The following DENND4C variants were observed in gnomAD, a reference collection of about 807,000 sequenced individuals.
DENND4C encodes DENN domain containing 4C.
In DENND4C, 108 loss-of-function variants were observed where a neutral mutation model predicts 203.0. The observed-to-expected ratio is 0.53, with a 90% CI of 0.46 to 0.62. The LOEUF (loss-of-function observed/expected upper bound fraction) is 0.62, where lower values mean the gene tolerates loss of function less well. Ranked by LOEUF, DENND4C falls within the 20% of genes least tolerant of loss-of-function variation. The probability of loss-of-function intolerance (pLI) is 0.00; values close to 1 mark genes in which losing one functional copy is unlikely to be tolerated. For missense variants in DENND4C, 2,481 were observed against 2,301.2 expected (o/e 1.08, Z -1.60); for synonymous variants, 871 against 792.4 (o/e 1.10, Z -1.67).
chr9:19,346,915 G>A lies in DENND4C; in HGVS notation c.4146G>A (p.Ser1382=), dbSNP rs558107082. 1.8e-5 allele frequency: 29 copies of A among 1,614,006 alleles called. No individual in the cohort carries two copies. Among genetic ancestry groups the A allele is most frequent in the East Asian group, 2.2e-5 (1 of 44,894 alleles). Residue 1382 remains serine (S), a synonymous_variant, in exon 23 of 33, where the codon TCG becomes TCA. Transcript: ENST00000434457. Reference sequence around the variant, plus strand: ...CTTTGTCAGCACTGGTGCGTTCTTCGCCACATGGCTCGTTGGGTTCTGTAG... The same window carrying A: ...CTTTGTCAGCACTGGTGCGTTCTTCACCACATGGCTCGTTGGGTTCTGTAG... ...STSLSALVRS[S]PHGSLGSVVN... is the part of the protein sequence containing the mutation.
At chr9:19,241,280 T>C (rs1004613457) in intron 1 of DENND4C, among the ~76,000 whole-genome samples, 1 of 152,242 alleles carries the variant, frequency 6.6e-6, no homozygotes, top group African/African-American at 2.4e-5. Flanking sequence ...TTTGTTGTTT[T>C]TTGACTCTCG....
At chr9:19,261,450 C>CT (rs34512237) in intron 1 of DENND4C, among the ~76,000 whole-genome samples, 99,662 of 142,936 alleles carry the variant, frequency 0.7, 35,004 homozygotes, top group Non-Finnish European at 0.76. Flanking sequence ...GTAGTATGGA[C>CT]TTTTTTTTTT....
intron 2 of DENND4C, among the ~76,000 whole-genome samples, chr9:19,279,766 G>A (rs1833659005): frequency 6.6e-6 from 1 of 152,044 alleles, no homozygotes; most frequent in African/African-American, 2.4e-5. Flanking sequence ...AGGATCACTG[G>A]AGCCCAGGAG....
rs150793479 is a variant in DENND4C at position 19,355,508 on chromosome 9, T to C, written c.4782-1464T>C. On this transcript the variant is annotated intron_variant, in intron 26 of 32. Transcript: ENST00000434457. Reference sequence around the variant, plus strand: ...CTTTCATTTTTCCTCCATGTAACAATCCAGTTATCCCAATATTATCCACTA... The same window carrying C: ...CTTTCATTTTTCCTCCATGTAACAACCCAGTTATCCCAATATTATCCACTA... Among the ~76,000 whole-genome samples, 78 of 152,316 alleles carry C rather than the reference T, an allele frequency of 5.1e-4. 1 individual carries two copies. In the East Asian group the frequency reaches 0.013, roughly 26 times the overall value.
chr9:19,251,949 TC>T, intron 1 of DENND4C, among the ~76,000 whole-genome samples: 1 of 152,310 alleles, frequency 6.6e-6, no homozygotes, highest in South Asian at 2.1e-4. Context: ...TCCAAACTGT[TC>T]CAGCCTCTGC....
At chr9:19,300,718 A>G (rs1179872342) in intron 9 of DENND4C, among the ~76,000 whole-genome samples, 2 of 152,254 alleles carry the variant, frequency 1.3e-5, no homozygotes, top group Non-Finnish European at 2.9e-5. Context: ...TTTAACTTTT[A>G]ATAATTGTGA....
intron 10 of DENND4C, among the ~76,000 whole-genome samples, chr9:19,309,144 C>T (rs559267095): frequency 6.6e-5 from 10 of 151,988 alleles, no homozygotes; most frequent in African/African-American, 1.2e-4. Context: ...GCTTGTAGGC[C>T]GGGAGTGGTG....
At chr9:19,230,635 C>G (rs914762360), upstream of DENND4C, 1 of 152,250 alleles carries the variant, frequency 6.6e-6, no homozygotes. Context: ...CTCCGGCCAT[C>G]GCCCCTGGCT....
chr9:19,244,407 C>T (rs948897905), intron 1 of DENND4C, among the ~76,000 whole-genome samples: 1 of 152,118 alleles, frequency 6.6e-6, no homozygotes, highest in South Asian at 2.1e-4. Context: ...TTCCATTTAT[C>T]TTCACATTGG....
chr9:19,353,652 G>A (rs1361566999), intron 26 of DENND4C, among the ~76,000 whole-genome samples: 2 of 151,124 alleles, frequency 1.3e-5, no homozygotes, highest in African/African-American at 4.9e-5. Context: ...AAACATTTAG[G>A]CTGGGCATGA....
chr9:19,245,520 C>T (rs1406173055), intron 1 of DENND4C, among the ~76,000 whole-genome samples: 3 of 147,846 alleles, frequency 2.0e-5, no homozygotes, highest in Non-Finnish European at 4.5e-5. Context: ...GGACGGAGAA[C>T]CATTACCCTA....
intron 24 of DENND4C, among the ~76,000 whole-genome samples, chr9:19,351,452 C>T (rs185130831): frequency 6.6e-6 from 1 of 152,244 alleles, no homozygotes; most frequent in African/African-American, 2.4e-5. Context: ...AAGTTTCTTA[C>T]TCCATGTTAC....
intron 5 of DENND4C, among the ~76,000 whole-genome samples, chr9:19,292,089 A>G (rs571732507): frequency 6.6e-6 from 1 of 152,100 alleles, no homozygotes; most frequent in Admixed American, 6.6e-5. Flanking sequence ...CAGTGGTGCG[A>G]TCTCGGCTCA....
chr9:19,272,657 A>C lies in DENND4C; in HGVS notation c.-17-3501A>C, dbSNP rs185562005. On this transcript the variant is annotated intron_variant, in intron 1 of 32. Coordinates refer to ENST00000434457, the MANE Select transcript of DENND4C (RefSeq NM_001330640.2). ...TCACGCCATATGCAAAAATCAGTTTAAAATGTATCGTAGACCTAAATGTAA... is the reference window on the plus strand; with the variant it reads ...TCACGCCATATGCAAAAATCAGTTTCAAATGTATCGTAGACCTAAATGTAA... Among the ~76,000 whole-genome samples the C allele has an allele frequency of 1.2e-4, 18 of 152,352 alleles. No homozygotes were observed. The East Asian group carries it at 3.3e-3, about 28-fold the overall frequency.
rs1224130163 is a variant in DENND4C at position 19,336,281 on chromosome 9, G to C, written c.2601G>C (p.Glu867Asp). 1 of 1,611,576 alleles carries C rather than the reference G, an allele frequency of 6.2e-7. No homozygotes were observed. The highest frequency in any genetic ancestry group is 1.3e-5 in the African/African-American group (1 of 74,760). Residue 867 changes from glutamate (E) to aspartate (D), a missense_variant, in exon 19 of 33, where the codon GAG becomes GAC. This residue lies in a region of DENND4C where 2,289 missense variants were observed against 2,113.3 expected (regional missense o/e 1.08). Coordinates refer to ENST00000434457, the MANE Select transcript of DENND4C (RefSeq NM_001330640.2). ...TATTTTACCTTTAGGTAGTCTTGGAGAGCCCGTGGCCTAGCAGTACCCGCA... is the reference window on the plus strand; with the variant it reads ...TATTTTACCTTTAGGTAGTCTTGGACAGCCCGTGGCCTAGCAGTACCCGCA... ...TYGYYNKVVL[E>D]SPWPSSTRSG...
At chr9:19,341,645 T>C (rs1821681985) in intron 21 of DENND4C, among the ~76,000 whole-genome samples, 1 of 152,006 alleles carries the variant, frequency 6.6e-6, no homozygotes, top group Admixed American at 6.6e-5. Context: ...GGTCAGCCCA[T>C]AATTTTCCAG....
Position 19,358,027 on chromosome 9 carries a change from G to C in DENND4C, c.5027G>C (p.Ser1676Thr). 6.2e-7 allele frequency: 1 copy of C among 1,613,780 alleles called. No individual in the cohort carries two copies. The highest frequency in any genetic ancestry group is 8.5e-7 in the Non-Finnish European group (1 of 1,179,768). The change falls in exon 28 of 33, where the codon AGT (serine) becomes ACT (threonine). Residue 1676 changes from serine to threonine, a missense_variant. By Grantham distance (58) the Ser-to-Thr change is moderately conservative. Coordinates refer to ENST00000434457, the MANE Select transcript of DENND4C (RefSeq NM_001330640.2). The surrounding 1 kb of genome is among the most constrained non-coding windows in gnomAD (Gnocchi z 4.8). The stretch of plus-strand genomic sequence containing the variant: ...ATGAAAATTTCATCTGTGCCTAATA[G>C]TTTATCAAAGCGAAATGTGTCTTTG... Reference protein sequence around the residue: ...QTMKISSVPNSLSKRNVSLTR... With the variant: ...QTMKISSVPNTLSKRNVSLTR...
intron 18 of DENND4C, 78 bp from the exon 19 acceptor site, chr9:19,336,192 C>A: frequency 1.4e-5 from 17 of 1,200,368 alleles, no homozygotes; most frequent in Non-Finnish European, 1.7e-5. Flanking sequence ...TATAAACATA[C>A]ACACACACAT....
chr9:19,261,844 C>A (rs12554969), intron 1 of DENND4C, among the ~76,000 whole-genome samples: 14,530 of 151,704 alleles, frequency 0.096, 802 homozygotes, highest in African/African-American at 0.13. Context: ...TAATTTCTTG[C>A]ATCAATTATT....
Sources: gnomAD v4.1 joint callset for allele counts (sites outside exome capture counted in the v4.1 genomes callset) on GRCh38, gnomAD v4.1.1 for gene constraint, gnomAD v4.1.1 regional missense constraint, Gnocchi (gnomAD v3.1) non-coding constraint, MANE v1.5 for transcripts, NCBI Gene and HGNC (gene_info 2026-07-23, HGNC 2026-07-21) for gene names.